The following PRUNE2 variants were observed in gnomAD, a reference collection of about 807,000 sequenced individuals.
The protein encoded by PRUNE2 is prune homolog 2 with BCH domain.
Under a neutral mutation model 252.0 loss-of-function variants are expected in PRUNE2, and 164 were observed. That is an observed-to-expected ratio of 0.65 (90% CI 0.57 to 0.74). The LOEUF is 0.74. PRUNE2 is among the 30% of genes least tolerant of loss of function. The pLI is 0.00. For synonymous variants in PRUNE2, 1,292 were observed against 1,350.2 expected, an observed-to-expected ratio of 0.96 and a Z score of 0.94; for missense variants, 3,495 against 3,711.0, an observed-to-expected ratio of 0.94 and a Z score of 1.51.
At chr9:76,640,092 T>C (rs1489290625) in intron 12 of PRUNE2, among the ~76,000 whole-genome samples, 1 of 152,240 alleles carries the variant, frequency 6.6e-6, no homozygotes, top group Non-Finnish European at 1.5e-5. Context: ...TGATGTCATA[T>C]AGTTTTGGAC....
At chr9:76,630,624 A>C (rs1206015424) in intron 15 of PRUNE2, among the ~76,000 whole-genome samples, 1 of 152,150 alleles carries the variant, frequency 6.6e-6, no homozygotes, top group African/African-American at 2.4e-5. Context: ...TCCTGGGTTC[A>C]CGCTATTCTC....
intron 17 of PRUNE2, among the ~76,000 whole-genome samples, chr9:76,622,096 T>G (rs574727764): frequency 1.3e-5 from 2 of 152,304 alleles, no homozygotes; most frequent in East Asian, 3.9e-4. Flanking sequence ...CAATGCACAA[T>G]AAAGTTTGAG....
chr9:76,854,094 T>C lies in PRUNE2; in HGVS notation c.141+10A>G, dbSNP rs2060111881. The C allele has an allele frequency of 1.4e-6, 2 of 1,448,690 alleles. No individual in the cohort carries two copies. The highest frequency in any genetic ancestry group is 1.9e-6 in the Non-Finnish European group (2 of 1,038,992). 89.7% of individuals were successfully genotyped at this position (1,448,690 alleles called of 1,614,324 possible). ...CAAAATATAAGGAGTATTACCCTTT[T>C]TTCCCTCACCTTGTCTAGAAAGTAA... On this transcript the variant is annotated intron_variant, in intron 2 of 18. Transcript: ENST00000376718.
rs1213016259 is a variant in PRUNE2, at chr9:76,764,069, A to T, written c.757-50348T>A. Among the ~76,000 whole-genome samples the T allele has an allele frequency of 2.0e-5, 3 of 152,172 alleles. No homozygotes were observed. In the East Asian group the frequency reaches 5.8e-4, roughly 29 times the overall value. On this transcript the variant is annotated intron_variant, in intron 6 of 18. Coordinates refer to ENST00000376718, the MANE Select transcript of PRUNE2 (RefSeq NM_015225.3). ...GGGCAAGGGTAGGACCAATAACCTC[A>T]TTCACAATGCATTCATTGATTCGTT...
intron 6 of PRUNE2, among the ~76,000 whole-genome samples, chr9:76,751,251 GAC>G (rs3048276): frequency 2.9e-4 from 44 of 149,226 alleles, no homozygotes; most frequent in African/African-American, 9.8e-4. Context: ...AGGGGACACA[GAC>G]ACACACACAC....
At chr9:76,677,496 A>C (rs1476616022) in intron 9 of PRUNE2, among the ~76,000 whole-genome samples, 1 of 152,186 alleles carries the variant, frequency 6.6e-6, no homozygotes, top group African/African-American at 2.4e-5. Context: ...TGGATGACCA[A>C]ACCGTCAGCT....
chr9:76,749,269 C>CTGCA (rs1564207989), intron 6 of PRUNE2, among the ~76,000 whole-genome samples: 1 of 152,218 alleles, frequency 6.6e-6, no homozygotes, highest in African/African-American at 2.4e-5. Flanking sequence ...TGAACTCTGA[C>CTGCA]TGCAGTTCTT....
At chr9:76,809,833 C>G (rs757012638) in intron 6 of PRUNE2, among the ~76,000 whole-genome samples, 2 of 152,314 alleles carry the variant, frequency 1.3e-5, no homozygotes, top group South Asian at 2.1e-4. Flanking sequence ...CAAATGACCA[C>G]GTTAATGGGT....
At chr9:76,671,596 A>T (rs2041487973) in intron 9 of PRUNE2, among the ~76,000 whole-genome samples, 1 of 152,186 alleles carries the variant, frequency 6.6e-6, no homozygotes, top group African/African-American at 2.4e-5. Flanking sequence ...CAAGACACAT[A>T]ATTGTCAGAT....
intron 6 of PRUNE2, among the ~76,000 whole-genome samples, chr9:76,772,349 T>A (rs10117778): frequency 0.54 from 81,662 of 151,462 alleles, 23,607 homozygotes; most frequent in African/African-American, 0.75. Flanking sequence ...ATTTTTTTTT[T>A]AAATGGCAAT....
At chr9:76,776,862 T>C (rs2131088813) in intron 6 of PRUNE2, among the ~76,000 whole-genome samples, 1 of 149,300 alleles carries the variant, frequency 6.7e-6, no homozygotes, top group African/African-American at 2.5e-5. Flanking sequence ...TGAAGCTTTC[T>C]CTTGAGTTTC....
chr9:76,796,829 G>T lies in PRUNE2; in HGVS notation c.756+26803C>A, dbSNP rs527250879. ...CTGAAGACTCAAATAGAACAAGAAG[G>T]CTGAGGAAGAGGGAGCCTCTCCTGC... is the stretch of plus-strand genomic sequence containing the variant. On this transcript the variant is annotated intron_variant, in intron 6 of 18. Transcript: ENST00000376718. Among the ~76,000 whole-genome samples the T allele has an allele frequency of 2.0e-5, 3 of 152,288 alleles. No homozygotes were observed. In the East Asian group the frequency reaches 5.8e-4, roughly 29 times the overall value.
intron 6 of PRUNE2, among the ~76,000 whole-genome samples, chr9:76,780,470 G>A (rs2054254017): frequency 6.6e-6 from 1 of 152,010 alleles, no homozygotes; most frequent in African/African-American, 2.4e-5. Context: ...GGCGGATCAC[G>A]AGGCCAGGAG....
chr9:76,716,794 T>C (rs941991570), intron 6 of PRUNE2, among the ~76,000 whole-genome samples: 2 of 152,174 alleles, frequency 1.3e-5, no homozygotes, highest in African/African-American at 4.8e-5. Context: ...ACCCATCATC[T>C]AGATTCCCTC....
intron 6 of PRUNE2, among the ~76,000 whole-genome samples, chr9:76,766,258 C>T (rs1340601439): frequency 1.3e-5 from 2 of 151,422 alleles, no homozygotes; most frequent in East Asian, 1.9e-4. Context: ...AAACTAGCTT[C>T]AAGCAGAAAA....
chr9:76,880,816 T>C (rs1446365314), intron 1 of PRUNE2, among the ~76,000 whole-genome samples: 1 of 152,220 alleles, frequency 6.6e-6, no homozygotes, highest in Non-Finnish European at 1.5e-5. Context: ...TTAAATAAAA[T>C]GTTATTTTGT....
At chr9:76,691,938 G>C (rs928273634) in intron 9 of PRUNE2, 2 of 632,514 alleles carry the variant, frequency 3.2e-6, no homozygotes, top group Non-Finnish European at 5.8e-6. Flanking sequence ...GGCAGAATTC[G>C]GCATCCTCTC....
chr9:76,750,856 A>G (rs1186475758), intron 6 of PRUNE2, among the ~76,000 whole-genome samples: 3 of 152,224 alleles, frequency 2.0e-5, no homozygotes, highest in African/African-American at 7.2e-5. Flanking sequence ...TCAGGCTTAC[A>G]AATATAATTG....
At chr9:76,857,476 T>C (rs529005373) in intron 1 of PRUNE2, among the ~76,000 whole-genome samples, 1 of 152,260 alleles carries the variant, frequency 6.6e-6, no homozygotes, top group East Asian at 1.9e-4. Flanking sequence ...AGGTACCTTT[T>C]GTGCCACCAG....
Sources: allele counts gnomAD v4.1 joint callset (sites outside exome capture counted in the v4.1 genomes callset), GRCh38; gene constraint gnomAD v4.1.1; transcripts MANE v1.5; gene names NCBI Gene and HGNC (gene_info 2026-07-23, HGNC 2026-07-21).